DNER: variants seen among roughly 807,000 people sequenced by gnomAD.
The protein encoded by DNER is delta and Notch-like epidermal growth factor-related receptor.
In DNER, 33 loss-of-function variants were observed where a neutral mutation model predicts 78.2. The ratio of observed to expected loss-of-function variants is 0.42; its 90% confidence interval spans 0.32 to 0.56. The LOEUF is 0.56. Among genes scored for constraint, DNER ranks in the 20% least tolerant of loss-of-function variants. The pLI is 0.11. For synonymous variants in DNER, 417 were observed against 384.8 expected (o/e 1.08, Z -0.98); for missense variants, 918 against 975.3 (o/e 0.94, Z 0.78).
At position 229,367,021 on chromosome 2, in the gene DNER, G is replaced by A. The variant is rs1692364831; in HGVS notation, c.1954C>T (p.Leu652Phe). 6.2e-7 allele frequency: 1 copy of A among 1,614,108 alleles called. No individual in the cohort carries two copies. The highest frequency in any genetic ancestry group is 8.5e-7 in the Non-Finnish European group (1 of 1,179,988). ...CCCACGATCAGGATGATCAGCATAAGGATGAAGGCCACGCAGAGGGCTCCA... is the reference window on the plus strand; with the variant it reads ...CCCACGATCAGGATGATCAGCATAAAGATGAAGGCCACGCAGAGGGCTCCA... ...IIGALCVAFI[L>F]MLIILIVGIC... The change falls in exon 12 of 13, where the codon CTT becomes TTT. Residue 652 changes from leucine to phenylalanine, a missense_variant. Transcript: ENST00000341772.
At chr2:229,671,380 T>C (rs1014429010) in intron 1 of DNER, among the ~76,000 whole-genome samples, 4 of 152,224 alleles carry the variant, frequency 2.6e-5, no homozygotes, top group Non-Finnish European at 4.4e-5. Context: ...CTCCTCTAGC[T>C]GCTTAAAATT....
chr2:229,586,086 T>A lies in DNER; in HGVS notation c.681-62A>T, dbSNP rs1462723638. On this transcript the variant is annotated intron_variant, in intron 3 of 12. Coordinates refer to ENST00000341772, the MANE Select transcript of DNER (RefSeq NM_139072.4). ...CAGAAAAATTCATCTTAGAACCAGTTCTTCAAATTAAAAATAAATACAAAG... is the reference window on the plus strand; with the variant it reads ...CAGAAAAATTCATCTTAGAACCAGTACTTCAAATTAAAAATAAATACAAAG... 4.6e-6 allele frequency: 7 copies of A among 1,519,830 alleles called. No homozygotes were observed. In the Admixed American group the frequency reaches 1.6e-4, roughly 34 times the overall value. 94.1% of individuals were successfully genotyped at this position (1,519,830 alleles called of 1,614,324 possible).
At chr2:229,520,190 T>G (rs139634164) in intron 5 of DNER, among the ~76,000 whole-genome samples, 2 of 152,320 alleles carry the variant, frequency 1.3e-5, no homozygotes, top group East Asian at 3.9e-4. Flanking sequence ...GCGGGAGAGT[T>G]CTGCACAGGC....
intron 11 of DNER, among the ~76,000 whole-genome samples, chr2:229,387,244 C>T (rs1264677631): frequency 6.6e-6 from 1 of 152,088 alleles, no homozygotes; most frequent in Admixed American, 6.6e-5. Context: ...CCAAACACCA[C>T]ATGTTCTCAC....
At chr2:229,580,333 G>A (rs913024042) in intron 4 of DNER, 1 of 152,174 alleles carries the variant, frequency 6.6e-6, no homozygotes, top group African/African-American at 2.4e-5. Context: ...CCCCTTTGAA[G>A]TTACAGTGGA....
In DNER at chr2:229,415,898, A is replaced by G. The variant is rs572579125; in HGVS notation, c.1609+2210T>C. Among the ~76,000 whole-genome samples the G allele has an allele frequency of 3.9e-5, 6 of 152,314 alleles. No individual in the cohort carries two copies. In the East Asian group the frequency reaches 9.6e-4, roughly 24 times the overall value. On this transcript the variant is annotated intron_variant, in intron 9 of 12. Coordinates refer to ENST00000341772, the MANE Select transcript of DNER (RefSeq NM_139072.4). ...CTCTTTCTTCTGTATGTAACCTGTG[A>G]TCCCTTCGAAGAATCTTGTAAAAAA...
At chr2:229,574,769 TTC>T (rs1361882846) in intron 4 of DNER, among the ~76,000 whole-genome samples, 29 of 152,308 alleles carry the variant, frequency 1.9e-4, no homozygotes, top group East Asian at 9.6e-4. Flanking sequence ...TCCTGAGAAA[TTC>T]TCTCTCTTTC....
chr2:229,585,695 T>C (rs905748321), intron 4 of DNER, among the ~76,000 whole-genome samples, 163 bp downstream of exon 4: 3 of 152,040 alleles, frequency 2.0e-5, no homozygotes, highest in Non-Finnish European at 4.4e-5. Flanking sequence ...AATATTATGT[T>C]AGAATCCAGT....
intron 5 of DNER, 76 bp downstream of exon 5, chr2:229,546,871 A>C (rs1319767596): frequency 6.3e-7 from 1 of 1,585,370 alleles, no homozygotes; most frequent in Non-Finnish European, 8.6e-7. Context: ...GTAAGAACAC[A>C]CACATACTTA....
At chr2:229,480,617 C>G (rs754139242) in intron 6 of DNER, among the ~76,000 whole-genome samples, 3 of 152,084 alleles carry the variant, frequency 2.0e-5, no homozygotes, top group Non-Finnish European at 4.4e-5. Flanking sequence ...ATCAGAGAGG[C>G]TAATTTACAT....
chr2:229,375,730 T>C (rs1171751468), intron 11 of DNER, among the ~76,000 whole-genome samples: 4 of 152,230 alleles, frequency 2.6e-5, no homozygotes, highest in Non-Finnish European at 5.9e-5. Context: ...ATTTCTACTA[T>C]TGATATTCTT....
chr2:229,420,489 C>A (rs1693742113), intron 8 of DNER, among the ~76,000 whole-genome samples: 1 of 152,182 alleles, frequency 6.6e-6, no homozygotes, highest in African/African-American at 2.4e-5. Context: ...TCCAAGAAGT[C>A]ATTCCTAAGG....
At chr2:229,377,766 C>T (rs1453043824) in intron 11 of DNER, among the ~76,000 whole-genome samples, 2 of 152,136 alleles carry the variant, frequency 1.3e-5, no homozygotes, top group Non-Finnish European at 2.9e-5. Context: ...TTAATTCTAC[C>T]TCATCCCCAA....
At chr2:229,448,784 C>A (rs983418905) in intron 7 of DNER, among the ~76,000 whole-genome samples, 4 of 152,210 alleles carry the variant, frequency 2.6e-5, no homozygotes, top group Admixed American at 1.3e-4. Flanking sequence ...AAATATTATT[C>A]AAATTTTAGA....
Position 229,591,999 on chromosome 2 carries a change from C to T in DNER, c.277-111G>A. ...GACTGCTGTAATGGAAATGCTGTTC[C>T]TGTGGAATACACTCCTTAACTACTT... On this transcript the variant is annotated intron_variant, in intron 1 of 12. Transcript: ENST00000341772. This position sits in a 1 kb window ranked among gnomAD's most constrained non-coding sequence, Gnocchi z 4.6. 1.5e-6 allele frequency: 2 copies of T among 1,334,504 alleles called. No homozygotes were observed. The highest frequency in any genetic ancestry group is 2.0e-6 in the Non-Finnish European group (2 of 1,008,024). 82.7% of individuals were successfully genotyped at this position (1,334,504 alleles called of 1,614,324 possible). A position where few individuals can be genotyped will look rare whatever the true frequency, so the allele number is the denominator to read the frequency against.
At chr2:229,507,141 C>A (rs1375844592) in intron 6 of DNER, among the ~76,000 whole-genome samples, 1 of 152,170 alleles carries the variant, frequency 6.6e-6, no homozygotes, top group African/African-American at 2.4e-5. Flanking sequence ...TATTAAAACA[C>A]AGTATTGTAA....
chr2:229,447,464 A>G lies in DNER; in HGVS notation c.1338T>C (p.Tyr446=). 1 of 1,614,186 alleles carries G rather than the reference A, an allele frequency of 6.2e-7. No homozygotes were observed. Among genetic ancestry groups the G allele is most frequent in the Non-Finnish European group, 8.5e-7 (1 of 1,180,018 alleles). Residue 446 remains tyrosine, a synonymous_variant, in exon 8 of 13, where the codon TAT becomes TAC. Transcript: ENST00000341772. ...TGCAGGTAAAGTGTACCCCGTCCAC[A>G]TAGCAGGTGCCGTTGTTCTGGCACG... The part of the protein sequence containing the change: ...SSPCQNNGTC[Y]VDGVHFTCNC...
At chr2:229,631,424 T>C (rs186676737) in intron 1 of DNER, among the ~76,000 whole-genome samples, 3 of 152,260 alleles carry the variant, frequency 2.0e-5, no homozygotes, top group Admixed American at 1.3e-4. Context: ...TACTCTGAGC[T>C]CCCCTCCAGC....
chr2:229,671,917 T>C (rs1196841574), intron 1 of DNER, among the ~76,000 whole-genome samples: 1 of 152,168 alleles, frequency 6.6e-6, no homozygotes, highest in Non-Finnish European at 1.5e-5. Context: ...GTTCAAACAA[T>C]ATTAGCTGTT....
Sources: gnomAD v4.1 joint callset for allele counts (sites outside exome capture counted in the v4.1 genomes callset) on GRCh38, gnomAD v4.1.1 for gene constraint, Gnocchi (gnomAD v3.1) non-coding constraint, MANE v1.5 for transcripts, NCBI Gene and HGNC (gene_info 2026-07-23, HGNC 2026-07-21) for gene names.